Variants in HDAC9 observed in about 807,000 individuals in gnomAD.
HDAC9 encodes MEF-2 interacting transcription repressor (MITR) protein.
A neutral mutation model predicts 139.4 loss-of-function variants in HDAC9; 41 were observed. The observed-to-expected ratio is 0.29, with a 90% CI of 0.23 to 0.38. HDAC9 has a LOEUF of 0.38. Ranked by LOEUF, HDAC9 falls within the 10% of genes least tolerant of loss-of-function variation. The pLI is 1.00. For synonymous variants in HDAC9, 517 were observed against 476.2 expected (o/e 1.09, Z -1.12); for missense variants, 1,147 against 1,297.0 (o/e 0.88, Z 1.78).
chr7:18,132,181 G>T (rs538412561), intron 1 of HDAC9, among the ~76,000 whole-genome samples: 27 of 152,158 alleles, frequency 1.8e-4, no homozygotes, highest in Middle Eastern at 6.8e-3. Flanking sequence ...CATTGTGCCA[G>T]TGTGTCCCAG....
In HDAC9 at chr7:18,960,009, A is replaced by AACACACACACACACAC. The variant is rs58030908; in HGVS notation, c.3022+5797_3022+5812dup. Among the ~76,000 whole-genome samples the AACACACACACACACAC allele has an allele frequency of 3.3e-3, 492 of 149,018 alleles. 9 individuals are homozygous for AACACACACACACACAC. Among genetic ancestry groups the AACACACACACACACAC allele is most frequent in the African/African-American group, 0.011 (459 of 40,382 alleles). Reference sequence around the variant, plus strand: ...GTATAGCTAATCCTCTGTTGTTTTAAACACACACACACACACACACACACA... The same window carrying AACACACACACACACAC: ...GTATAGCTAATCCTCTGTTGTTTTAAACACACACACACACACACACACACACACACACACACACACA... On this transcript the variant is annotated intron_variant, in intron 24 of 25. Coordinates refer to ENST00000686413, the MANE Select transcript of HDAC9 (RefSeq NM_178425.4).
chr7:18,884,964 A>G (rs533085828), intron 22 of HDAC9, among the ~76,000 whole-genome samples: 21 of 152,188 alleles, frequency 1.4e-4, no homozygotes, highest in Non-Finnish European at 2.9e-4. Flanking sequence ...GGTTCTGTAT[A>G]CTGATATTCT....
At chr7:18,270,984 C>A (rs576887265) in intron 2 of HDAC9, among the ~76,000 whole-genome samples, 106 of 152,210 alleles carry the variant, frequency 7.0e-4, no homozygotes, top group African/African-American at 2.4e-3. Context: ...AAAATTGATT[C>A]TGTGTGCTAA....
In HDAC9 at chr7:18,961,766, A is replaced by G. The variant is rs1304694078; in HGVS notation, c.3022+7536A>G. Among the ~76,000 whole-genome samples the G allele has an allele frequency of 2.6e-5, 4 of 152,140 alleles. No homozygotes were observed. The East Asian group carries it at 7.7e-4, about 29-fold the overall frequency. On this transcript the variant is annotated intron_variant, in intron 24 of 25. Transcript: ENST00000686413. ...TCATTCCCATTTTATAGTGAAGTAA[A>G]CTGAGGCACATCAAGGTTCATTGTA...
At chr7:18,583,253 CTTACTG>C (rs1828376966) in intron 2 of HDAC9, among the ~76,000 whole-genome samples, 1 of 152,100 alleles carries the variant, frequency 6.6e-6, no homozygotes, top group South Asian at 2.1e-4. Context: ...GCTATTAGTA[CTTACTG>C]TTACTATCTC....
chr7:18,185,488 A>G (rs1789835408), intron 2 of HDAC9, among the ~76,000 whole-genome samples: 1 of 152,254 alleles, frequency 6.6e-6, no homozygotes, highest in African/African-American at 2.4e-5. Context: ...TGTCCTTTCT[A>G]AAAGAGGAAA....
intron 1 of HDAC9, among the ~76,000 whole-genome samples, chr7:18,104,701 C>T (rs1462682533): frequency 6.6e-6 from 1 of 152,066 alleles, no homozygotes; most frequent in East Asian, 1.9e-4. Context: ...TCTGCTCTCT[C>T]CTTGTCTCCT....
chr7:18,262,132 C>A (rs1795721817), intron 2 of HDAC9, among the ~76,000 whole-genome samples: 1 of 152,216 alleles, frequency 6.6e-6, no homozygotes, highest in East Asian at 1.9e-4. Flanking sequence ...CAAAACAAAG[C>A]AATTAACTGC....
chr7:18,954,288 T>C, intron 24 of HDAC9, 58 bp downstream of exon 24: 1 of 1,087,060 alleles, frequency 9.2e-7, no homozygotes, highest in Admixed American at 2.2e-5. Context: ...TAAAATTATA[T>C]TGAAAATTAT....
intron 2 of HDAC9, among the ~76,000 whole-genome samples, chr7:18,506,644 T>C (rs572188317): frequency 6.6e-6 from 1 of 152,144 alleles, no homozygotes; most frequent in South Asian, 2.1e-4. Context: ...ATAAGCACAA[T>C]AAATATACAG....
Position 18,997,363 on chromosome 7 carries a change from A to G in HDAC9, c.*1301A>G. 6.6e-6 allele frequency: 1 copy of G among 152,172 alleles called. No homozygotes were observed. The highest frequency in any genetic ancestry group is 2.4e-5 in the African/African-American group (1 of 41,564). The allele number at this position is 152,172 out of a possible 1,614,324, so 9.4% of individuals were successfully genotyped here. On this transcript the variant is annotated 3_prime_UTR_variant, in exon 26 of 26. Coordinates refer to ENST00000686413, the MANE Select transcript of HDAC9 (RefSeq NM_178425.4). ...CAAGTTTCCTTAGTGTCAAAAGTTAAAAATAAAGGACATTTATTTCTGAGA... is the reference window on the plus strand; with the variant it reads ...CAAGTTTCCTTAGTGTCAAAAGTTAGAAATAAAGGACATTTATTTCTGAGA...
intron 6 of HDAC9, among the ~76,000 whole-genome samples, chr7:18,595,788 A>T (rs1832312071): frequency 6.6e-6 from 1 of 152,078 alleles, no homozygotes; most frequent in Non-Finnish European, 1.5e-5. Context: ...TGGGAACATT[A>T]AGCACCCAGT....
intron 22 of HDAC9, among the ~76,000 whole-genome samples, chr7:18,887,808 A>T (rs1305426638): frequency 6.6e-6 from 1 of 152,152 alleles, no homozygotes; most frequent in Non-Finnish European, 1.5e-5. Context: ...AGTGGCTAGG[A>T]TTCCACATAT....
At chr7:18,222,420 A>T (rs1341794250) in intron 2 of HDAC9, among the ~76,000 whole-genome samples, 1 of 152,180 alleles carries the variant, frequency 6.6e-6, no homozygotes, top group Non-Finnish European at 1.5e-5. Context: ...TGAGAAACTA[A>T]AACTAGGAAA....
intron 12 of HDAC9, chr7:18,667,097 A>G: frequency 3.0e-6 from 3 of 985,358 alleles, no homozygotes; most frequent in Non-Finnish European, 3.6e-6. Flanking sequence ...TATTAGGAAT[A>G]CAGGTGGTTT....
chr7:18,764,315 C>T (rs2129158694), intron 15 of HDAC9, among the ~76,000 whole-genome samples: 1 of 152,150 alleles, frequency 6.6e-6, no homozygotes, highest in Admixed American at 6.5e-5. Flanking sequence ...TTAGAGTTAG[C>T]ATTCTATACA....
chr7:18,979,763 G>C (rs1370714912), intron 25 of HDAC9, among the ~76,000 whole-genome samples: 8 of 152,040 alleles, frequency 5.3e-5, no homozygotes, highest in Non-Finnish European at 1.2e-4. Context: ...GCAAACAAGA[G>C]AGAGAGTGGA....
At chr7:18,672,851 C>T (rs1217482309) in intron 12 of HDAC9, among the ~76,000 whole-genome samples, 1 of 151,936 alleles carries the variant, frequency 6.6e-6, no homozygotes, top group African/African-American at 2.4e-5. Flanking sequence ...TGAGTTGATG[C>T]AAAAGTAATT....
chr7:18,322,788 AAC>A (rs1415164453), intron 1 of HDAC9, among the ~76,000 whole-genome samples: 2 of 152,182 alleles, frequency 1.3e-5, no homozygotes, highest in African/African-American at 4.8e-5. Flanking sequence ...AGAGAAAAAT[AAC>A]AGTTAGTTTC....
Sources: allele counts gnomAD v4.1 joint callset (sites outside exome capture counted in the v4.1 genomes callset), GRCh38; gene constraint gnomAD v4.1.1; transcripts MANE v1.5; gene names NCBI Gene and HGNC (gene_info 2026-07-23, HGNC 2026-07-21).